The following ATXN7L1 variants were observed in gnomAD, a reference collection of about 807,000 sequenced individuals.
ATXN7L1 encodes the protein ataxin-7-like protein 1.
A neutral mutation model predicts 70.8 loss-of-function variants in ATXN7L1; 15 were observed. The ratio of observed to expected loss-of-function variants is 0.21; its 90% CI spans 0.14 to 0.33. The LOEUF (loss-of-function observed/expected upper bound fraction) is 0.33, where lower values mean the gene tolerates loss of function less well. Ranked by LOEUF, ATXN7L1 falls within the 10% of genes least tolerant of loss-of-function variation. The pLI is 1.00. For synonymous variants in ATXN7L1, 440 were observed against 445.1 expected (o/e 0.99, Z 0.14); for missense variants, 975 against 1,097.1 (o/e 0.89, Z 1.57).
At chr7:105,815,667 G>A (rs1403729491) in intron 2 of ATXN7L1, among the ~76,000 whole-genome samples, 1 of 152,218 alleles carries the variant, frequency 6.6e-6, no homozygotes, top group Non-Finnish European at 1.5e-5. Flanking sequence ...GTCAGAGGAT[G>A]TACTCTCCCC....
chr7:105,857,739 G>A (rs1196998635), intron 2 of ATXN7L1, among the ~76,000 whole-genome samples: 1 of 152,210 alleles, frequency 6.6e-6, no homozygotes, highest in Non-Finnish European at 1.5e-5. Flanking sequence ...GCTCTACCAA[G>A]ATTGGATCAC....
chr7:105,853,191 A>G (rs1472406840), intron 2 of ATXN7L1, among the ~76,000 whole-genome samples: 1 of 152,240 alleles, frequency 6.6e-6, no homozygotes, highest in African/African-American at 2.4e-5. Flanking sequence ...GTAACGCTGA[A>G]TTATACACTC....
chr7:105,855,671 C>T (rs1207715457), intron 2 of ATXN7L1, among the ~76,000 whole-genome samples: 1 of 152,132 alleles, frequency 6.6e-6, no homozygotes, highest in Non-Finnish European at 1.5e-5. Context: ...CCCTCTGAAT[C>T]TGTGAGTTCC....
intron 7 of ATXN7L1, among the ~76,000 whole-genome samples, chr7:105,634,659 G>C (rs1382793227): frequency 2.0e-5 from 3 of 152,046 alleles, no homozygotes; most frequent in Non-Finnish European, 4.4e-5. Context: ...CCTGGCCTCA[G>C]ATGAAAAAAA....
chr7:105,754,559 C>A (rs1799581985), intron 3 of ATXN7L1, among the ~76,000 whole-genome samples: 1 of 152,082 alleles, frequency 6.6e-6, no homozygotes, highest in African/African-American at 2.4e-5. Flanking sequence ...TTCCTGGGCT[C>A]AAGGGACCCT....
chr7:105,803,993 TC>T (rs780466963), intron 2 of ATXN7L1, among the ~76,000 whole-genome samples: 77 of 152,114 alleles, frequency 5.1e-4, no homozygotes, highest in Middle Eastern at 6.8e-3. Flanking sequence ...AGGGTTTGTG[TC>T]CCTGTCCCCT....
chr7:105,770,013 T>G (rs754197946), intron 3 of ATXN7L1, among the ~76,000 whole-genome samples: 14 of 152,246 alleles, frequency 9.2e-5, no homozygotes, highest in Non-Finnish European at 1.9e-4. Context: ...TTTGGAATTG[T>G]TACAAGTGCT....
intron 3 of ATXN7L1, among the ~76,000 whole-genome samples, chr7:105,693,216 C>T (rs1791245667): frequency 6.6e-6 from 1 of 151,302 alleles, no homozygotes; most frequent in South Asian, 2.1e-4. Context: ...TAAATAGAGA[C>T]AAGGTTTCTC....
chr7:105,858,736 T>C (rs1361569926), intron 2 of ATXN7L1, among the ~76,000 whole-genome samples: 2 of 151,962 alleles, frequency 1.3e-5, no homozygotes, highest in African/African-American at 4.8e-5. Context: ...AAATGTTGAG[T>C]CTGAATCCAA....
intron 2 of ATXN7L1, among the ~76,000 whole-genome samples, chr7:105,825,883 C>T (rs923873667): frequency 1.3e-5 from 2 of 152,106 alleles, no homozygotes; most frequent in African/African-American, 2.4e-5. Flanking sequence ...TTGATATTTA[C>T]AAGCTTGATG....
At chr7:105,705,697 C>T (rs1793072649) in intron 3 of ATXN7L1, among the ~76,000 whole-genome samples, 1 of 152,160 alleles carries the variant, frequency 6.6e-6, no homozygotes, top group African/African-American at 2.4e-5. Context: ...GCACAGTGTT[C>T]TTTCTCTGGA....
chr7:105,684,180 G>A (rs772700612), intron 3 of ATXN7L1, among the ~76,000 whole-genome samples: 5 of 152,192 alleles, frequency 3.3e-5, no homozygotes, highest in Non-Finnish European at 5.9e-5. Context: ...CCAAGCTCCC[G>A]TGTAATGACC....
chr7:105,619,574 G>C (rs1189502883), intron 9 of ATXN7L1, among the ~76,000 whole-genome samples: 2 of 104,166 alleles, frequency 1.9e-5, no homozygotes, highest in Non-Finnish European at 3.5e-5. Flanking sequence ...TTTTAAGAGA[G>C]AGGGTCTTGC....
chr7:105,678,113 T>G lies in ATXN7L1; in HGVS notation c.356-12825A>C, dbSNP rs556941111. On this transcript the variant is annotated intron_variant, in intron 3 of 11. Transcript: ENST00000419735. Reference sequence around the variant, plus strand: ...CATACTTTTTTTTTTTTTTTTTCCTTTCTGGCCCCCTTTTCTCTCCCTTCT... The same window carrying G: ...CATACTTTTTTTTTTTTTTTTTCCTGTCTGGCCCCCTTTTCTCTCCCTTCT... 174 of 654,754 alleles carry G rather than the reference T, an allele frequency of 2.7e-4. No homozygotes were observed. In the African/African-American group the frequency reaches 3.1e-3, roughly 12 times the overall value. 40.6% of individuals were successfully genotyped at this position (654,754 alleles called of 1,614,324 possible). A position where few individuals can be genotyped will look rare whatever the true frequency, so the allele number is the denominator to read the frequency against.
At chr7:105,807,701 C>T (rs1440821513) in intron 2 of ATXN7L1, among the ~76,000 whole-genome samples, 1 of 152,202 alleles carries the variant, frequency 6.6e-6, no homozygotes, top group African/African-American at 2.4e-5. Flanking sequence ...GGCTGGGCTG[C>T]AGTAGCATGG....
At chr7:105,731,653 T>G (rs935730256) in intron 3 of ATXN7L1, among the ~76,000 whole-genome samples, 9 of 151,166 alleles carry the variant, frequency 6.0e-5, no homozygotes, top group Non-Finnish European at 1.3e-4. Flanking sequence ...GTGGCGGGTC[T>G]TGAACTCCTG....
In ATXN7L1 at chr7:105,794,039, T is replaced by C. The variant is rs1433107819; in HGVS notation, c.251-5331A>G. ...ATCCATCATCCATCATTGAAACATG[T>C]GGTGTACACGCTGATATTTTCTGTT... is the stretch of plus-strand genomic sequence containing the variant. On this transcript the variant is annotated intron_variant, in intron 2 of 11. Transcript: ENST00000419735. Among the ~76,000 whole-genome samples, 5 of 141,306 alleles carry C rather than the reference T, an allele frequency of 3.5e-5. No individual in the cohort carries two copies. In the East Asian group the frequency reaches 1.2e-3, roughly 34 times the overall value. 92.7% of individuals were successfully genotyped at this position (141,306 alleles called of 152,430 possible).
chr7:105,708,181 G>A (rs1793418728), intron 3 of ATXN7L1, among the ~76,000 whole-genome samples: 1 of 152,184 alleles, frequency 6.6e-6, no homozygotes, highest in South Asian at 2.1e-4. Context: ...GTTGGCTGTG[G>A]ACCCAGAGGC....
At chr7:105,724,021 C>G (rs1419888588) in intron 3 of ATXN7L1, among the ~76,000 whole-genome samples, 1 of 152,136 alleles carries the variant, frequency 6.6e-6, no homozygotes, top group African/African-American at 2.4e-5. Flanking sequence ...TTAAAGTCTC[C>G]TTTTTCAAGA....
Sources: gnomAD v4.1 joint callset for allele counts (sites outside exome capture counted in the v4.1 genomes callset) on GRCh38, gnomAD v4.1.1 for gene constraint, MANE v1.5 for transcripts, NCBI Gene and HGNC (gene_info 2026-07-23, HGNC 2026-07-21) for gene names.